The following MRPL34 variants were observed in gnomAD, a reference collection of about 807,000 sequenced individuals.
The protein encoded by MRPL34 is large ribosomal subunit protein bL34m.
MRPL34 carries 8 observed loss-of-function variants against 6.7 expected under a neutral mutation model. The ratio of observed to expected loss-of-function variants is 1.20; its 90% confidence interval spans 0.70 to 2.16. MRPL34 has a LOEUF of 2.16. Among genes scored for constraint, MRPL34 ranks in the 30% most tolerant of loss-of-function variants. The probability of loss-of-function intolerance (pLI) is 0.00; values close to 1 mark genes in which losing one functional copy is unlikely to be tolerated. For synonymous variants in MRPL34, 59 were observed against 55.1 expected (o/e 1.07, Z -0.31); for missense variants, 146 against 125.5 (o/e 1.16, Z -0.78).
chr19:17,298,605 A>T (rs887619356), upstream of MRPL34, among the ~76,000 whole-genome samples: 3 of 152,116 alleles, frequency 2.0e-5, no homozygotes, highest in African/African-American at 7.2e-5. Context: ...TTTGACTGTC[A>T]TGATCAACAC....
At chr19:17,306,040 A>T (rs1208678930) in intron 1 of MRPL34, 83 bp downstream of exon 1, 2 of 1,564,530 alleles carry the variant, frequency 1.3e-6, no homozygotes, top group Non-Finnish European at 8.8e-7. Flanking sequence ...TGCCCGCGTG[A>T]CCTGCCAGTG....
intron 1 of MRPL34, chr19:17,294,178 G>A: frequency 1.5e-6 from 2 of 1,358,788 alleles, no homozygotes; most frequent in Non-Finnish European, 2.0e-6. Flanking sequence ...CGCCCCCTCG[G>A]GAAGAAAGCA....
chr19:17,295,795 C>A (rs919946637), intron 1 of MRPL34, among the ~76,000 whole-genome samples: 1 of 152,236 alleles, frequency 6.6e-6, no homozygotes, highest in Non-Finnish European at 1.5e-5. Flanking sequence ...GCAGCCTTGA[C>A]TTCCTGGGCT....
chr19:17,294,584 C>T (rs1295559669), intron 1 of MRPL34: 34 of 1,607,558 alleles, frequency 2.1e-5, no homozygotes, highest in Non-Finnish European at 2.9e-5. Context: ...AGCCCTAGTC[C>T]CAGCGGTACA....
upstream of MRPL34, among the ~76,000 whole-genome samples, chr19:17,298,913 T>C (rs371543921): frequency 2.1e-4 from 32 of 152,110 alleles, 1 homozygote; most frequent in South Asian, 6.6e-3. Flanking sequence ...GTTAATTTTT[T>C]GTACTTTTAG....
chr19:17,292,791 C>T, exon 1 of MRPL34: 3 of 1,613,180 alleles, frequency 1.9e-6, no homozygotes, highest in Non-Finnish European at 2.5e-6. Flanking sequence ...CACCATGTGG[C>T]TGCCCTCGTC....
chr19:17,294,302 G>A, intron 1 of MRPL34: 1 of 1,606,500 alleles, frequency 6.2e-7, no homozygotes, highest in Non-Finnish European at 8.5e-7. Flanking sequence ...GCCATGCGCT[G>A]GTCTTCCTCC....
chr19:17,294,138 C>T (rs1010880548), intron 1 of MRPL34: 3 of 909,304 alleles, frequency 3.3e-6, no homozygotes, highest in Admixed American at 2.7e-5. Flanking sequence ...CAAGATACAG[C>T]AACTAGAGGC....
chr19:17,293,098 CTT>C (rs71334701), intron 1 of MRPL34, among the ~76,000 whole-genome samples: 103 of 136,002 alleles, frequency 7.6e-4, no homozygotes, highest in African/African-American at 1.3e-3. Flanking sequence ...TCTTTTCTTT[CTT>C]TTTTTTTTTT....
At chr19:17,299,495 A>G (rs1161758768), upstream of MRPL34, among the ~76,000 whole-genome samples, 4 of 143,458 alleles carry the variant, frequency 2.8e-5, no homozygotes, top group Admixed American at 3.0e-4. Flanking sequence ...TGGGAGGTGG[A>G]GCTTGCAGTG....
chr19:17,300,763 C>T (rs2074113638), upstream of MRPL34: 8 of 1,457,430 alleles, frequency 5.5e-6, no homozygotes, highest in South Asian at 2.7e-5. Flanking sequence ...CAGGCGTGAG[C>T]CACGGGGCTC....
At chr19:17,300,546 C>A (rs908542722), upstream of MRPL34, among the ~76,000 whole-genome samples, 2 of 151,980 alleles carry the variant, frequency 1.3e-5, no homozygotes, top group Non-Finnish European at 2.9e-5. Context: ...GACACAATCT[C>A]GGCTCACTGC....
upstream of MRPL34, among the ~76,000 whole-genome samples, chr19:17,305,390 C>A (rs1303060322): frequency 2.0e-5 from 3 of 152,152 alleles, no homozygotes; most frequent in African/African-American, 7.2e-5. Context: ...CCCAAGGACA[C>A]GCAGCGAGCT....
upstream of MRPL34, chr19:17,301,284 C>A (rs748220540): frequency 1.2e-6 from 2 of 1,606,468 alleles, no homozygotes; most frequent in East Asian, 4.5e-5. Context: ...CCGGCGGCTC[C>A]CCAGAGCCAT....
chr19:17,293,156 CGT>C (rs1391427485), intron 1 of MRPL34, among the ~76,000 whole-genome samples: 16 of 145,282 alleles, frequency 1.1e-4, no homozygotes, highest in Non-Finnish European at 1.9e-4. Flanking sequence ...AGTGCAGTGG[CGT>C]AATCTCGGCT....
At chr19:17,294,381 C>T (rs368480144) in intron 1 of MRPL34, 4 of 1,613,852 alleles carry the variant, frequency 2.5e-6, no homozygotes, top group Admixed American at 3.3e-5. Flanking sequence ...CGTGGTAGAC[C>T]TCGTCGCCCT....
intron 1 of MRPL34, chr19:17,292,903 C>T (rs762785711): frequency 4.6e-6 from 7 of 1,506,114 alleles, no homozygotes; most frequent in Non-Finnish European, 5.4e-6. Context: ...CCTGGGACTC[C>T]GCCATACACA....
In MRPL34 at chr19:17,294,803, T is replaced by C. The variant is rs117124277; in HGVS notation, c.214+1949T>C. The C allele has an allele frequency of 2.7e-4, 442 of 1,614,096 alleles. 5 individuals carry two copies. In the East Asian group the frequency reaches 8.8e-3, roughly 32 times the overall value. On this transcript the variant is annotated intron_variant, in intron 1 of 2. Coordinates refer to the MRPL34 transcript ENST00000595444. ...CATTGATCATGATCACCTTGTGCACTAGGTCTGGGTACTCATGTGCCAGGA... is the reference window on the plus strand; with the variant it reads ...CATTGATCATGATCACCTTGTGCACCAGGTCTGGGTACTCATGTGCCAGGA...
At chr19:17,299,342 A>T (rs2074107211), upstream of MRPL34, among the ~76,000 whole-genome samples, 1 of 151,182 alleles carries the variant, frequency 6.6e-6, no homozygotes, top group African/African-American at 2.4e-5. Flanking sequence ...AGGGCGAATC[A>T]CGAGGTCAGG....
Sources: gnomAD v4.1 joint callset for allele counts (sites outside exome capture counted in the v4.1 genomes callset) on GRCh38, gnomAD v4.1.1 for gene constraint, MANE v1.5 for transcripts, NCBI Gene and HGNC (gene_info 2026-07-23, HGNC 2026-07-21) for gene names.